CHRM3: variants seen among roughly 807,000 people sequenced by gnomAD.
CHRM3 encodes the protein muscarinic acetylcholine receptor M3.
In CHRM3, 11 loss-of-function variants were observed where a neutral mutation model predicts 41.8. That is an observed-to-expected ratio of 0.26 (90% confidence interval 0.17 to 0.44). CHRM3 has a LOEUF of 0.44. Among genes scored for constraint, CHRM3 ranks in the 20% least tolerant of loss-of-function variants. The probability of loss-of-function intolerance (pLI) is 1.00; values close to 1 mark genes in which losing one functional copy is unlikely to be tolerated. For synonymous variants in CHRM3, 297 were observed against 301.4 expected, an observed-to-expected ratio of 0.99 and a Z score of 0.15; for missense variants, 571 against 745.4, an observed-to-expected ratio of 0.77 and a Z score of 2.72.
chr1:239,836,944 C>T (rs1673372568), intron 6 of CHRM3, among the ~76,000 whole-genome samples: 1 of 150,058 alleles, frequency 6.7e-6, no homozygotes, highest in South Asian at 2.1e-4. Flanking sequence ...CACTGCACTC[C>T]AGCCTGGCAA....
At chr1:239,438,234 T>G (rs1018268426) in intron 1 of CHRM3, among the ~76,000 whole-genome samples, 3 of 152,222 alleles carry the variant, frequency 2.0e-5, no homozygotes, top group Non-Finnish European at 4.4e-5. Flanking sequence ...TAAGAAAGAT[T>G]TACTCTATAA....
chr1:239,492,952 A>T (rs1206089195), intron 2 of CHRM3, 145 bp downstream of exon 2: 2 of 152,188 alleles, frequency 1.3e-5, no homozygotes, highest in African/African-American at 4.8e-5. Flanking sequence ...CTTCAATATT[A>T]TACTGCTTAA....
chr1:239,526,885 A>G (rs1029232428), intron 2 of CHRM3, among the ~76,000 whole-genome samples: 1 of 152,068 alleles, frequency 6.6e-6, no homozygotes, highest in Non-Finnish European at 1.5e-5. Context: ...ATTTGGGACT[A>G]CTAGGTAGGA....
chr1:239,890,552 A>C (rs1205693367), intron 6 of CHRM3, among the ~76,000 whole-genome samples: 2 of 152,124 alleles, frequency 1.3e-5, no homozygotes, highest in African/African-American at 4.8e-5. Context: ...AATCTAATGA[A>C]TATATATGCC....
chr1:239,544,340 G>A (rs968956388), intron 2 of CHRM3, among the ~76,000 whole-genome samples: 6 of 152,130 alleles, frequency 3.9e-5, no homozygotes, highest in Admixed American at 6.5e-5. Context: ...CCGTTAGGAA[G>A]CCAATACTTA....
intron 1 of CHRM3, among the ~76,000 whole-genome samples, chr1:239,394,785 C>T (rs1320392449): frequency 1.3e-5 from 2 of 151,746 alleles, no homozygotes; most frequent in Non-Finnish European, 2.9e-5. Context: ...GATGAGAACA[C>T]TTCTGATCTT....
At chr1:239,536,908 TAGAA>T (rs982102784) in intron 2 of CHRM3, among the ~76,000 whole-genome samples, 1 of 152,234 alleles carries the variant, frequency 6.6e-6, no homozygotes, top group African/African-American at 2.4e-5. Context: ...TGTATACTGA[TAGAA>T]AGCTTCACAT....
intron 1 of CHRM3, among the ~76,000 whole-genome samples, chr1:239,434,808 G>T (rs1424663189): frequency 6.6e-6 from 1 of 152,194 alleles, no homozygotes; most frequent in Non-Finnish European, 1.5e-5. Context: ...AAGAAAATAG[G>T]AGGGAGGGAT....
chr1:239,693,666 G>A (rs1266959063), intron 5 of CHRM3, among the ~76,000 whole-genome samples: 2 of 152,176 alleles, frequency 1.3e-5, no homozygotes, highest in Non-Finnish European at 2.9e-5. Context: ...AATTGTCTCT[G>A]TAGAGGTGAG....
intron 5 of CHRM3, among the ~76,000 whole-genome samples, chr1:239,700,316 G>T (rs749786241): frequency 1.3e-5 from 2 of 152,030 alleles, no homozygotes; most frequent in Non-Finnish European, 2.9e-5. Flanking sequence ...AACATCTTCA[G>T]CAGGTATCCA....
intron 2 of CHRM3, among the ~76,000 whole-genome samples, chr1:239,508,272 A>G (rs1668702135): frequency 6.6e-6 from 1 of 152,232 alleles, no homozygotes; most frequent in Non-Finnish European, 1.5e-5. Context: ...GGTTCTGTAC[A>G]GTGAAATATG....
chr1:239,794,996 T>G (rs553772114), intron 5 of CHRM3, among the ~76,000 whole-genome samples: 1 of 152,338 alleles, frequency 6.6e-6, no homozygotes, highest in South Asian at 2.1e-4. Flanking sequence ...TGAGAATAGA[T>G]CATTAATCCA....
intron 3 of CHRM3, among the ~76,000 whole-genome samples, chr1:239,562,888 CAAA>C (rs1269385069): frequency 2.0e-5 from 1 of 51,242 alleles, no homozygotes; most frequent in Non-Finnish European, 4.2e-5. Context: ...ACTCTGTCTC[CAAA>C]AAAAAAAAAA....
In CHRM3 at chr1:239,739,094, A is replaced by G. The variant is rs555383653; in HGVS notation, c.-147+60806A>G. Among the ~76,000 whole-genome samples the G allele has an allele frequency of 2.0e-5, 3 of 152,324 alleles. No individual in the cohort carries two copies. The East Asian group carries it at 5.8e-4, about 29-fold the overall frequency. On this transcript the variant is annotated intron_variant, in intron 5 of 6. Coordinates refer to ENST00000676153, the MANE Select transcript of CHRM3 (RefSeq NM_001375978.1). The stretch of plus-strand genomic sequence containing the variant: ...TTCTGAGCAGATTCTATCTTGGGAC[A>G]TGATGGGTGGAGAACAGCCAAGAAC...
chr1:239,444,005 G>A (rs1663932837), intron 1 of CHRM3, among the ~76,000 whole-genome samples: 1 of 152,120 alleles, frequency 6.6e-6, no homozygotes, highest in Admixed American at 6.6e-5. Context: ...CAAAAAAGTA[G>A]GCTGTGAGGT....
At chr1:239,606,474 C>T (rs1666301027) in intron 3 of CHRM3, among the ~76,000 whole-genome samples, 1 of 152,172 alleles carries the variant, frequency 6.6e-6, no homozygotes, top group Non-Finnish European at 1.5e-5. Flanking sequence ...CAAGGTTTCA[C>T]TATGTTGGCC....
intron 3 of CHRM3, among the ~76,000 whole-genome samples, chr1:239,575,757 A>G (rs1662274172): frequency 6.6e-6 from 1 of 151,970 alleles, no homozygotes; most frequent in Admixed American, 6.6e-5. Flanking sequence ...GTGTGTATAT[A>G]TAGAGATATA....
intron 3 of CHRM3, among the ~76,000 whole-genome samples, chr1:239,613,634 G>A (rs1667305065): frequency 6.6e-6 from 1 of 151,602 alleles, no homozygotes; most frequent in African/African-American, 2.4e-5. Context: ...TGCTTTGGGA[G>A]AAGTAAAACA....
At chr1:239,403,695 G>C in intron 1 of CHRM3, among the ~76,000 whole-genome samples, 1 of 151,958 alleles carries the variant, frequency 6.6e-6, no homozygotes, top group Non-Finnish European at 1.5e-5. Context: ...TCTCTTGAAG[G>C]TTTTTGTAAC....
Sources: gnomAD v4.1 joint callset for allele counts (sites outside exome capture counted in the v4.1 genomes callset) on GRCh38, gnomAD v4.1.1 for gene constraint, MANE v1.5 for transcripts, NCBI Gene and HGNC (gene_info 2026-07-23, HGNC 2026-07-21) for gene names.